The following MARCHF10 variants were observed in gnomAD, a reference collection of about 807,000 sequenced individuals.
The protein encoded by MARCHF10 is probable E3 ubiquitin-protein ligase MARCHF10.
In MARCHF10, 64 loss-of-function variants were observed where a neutral mutation model predicts 76.2. That is an observed-to-expected ratio of 0.84 (90% CI 0.69 to 1.03). The LOEUF (loss-of-function observed/expected upper bound fraction) is 1.03. MARCHF10 is among the 50% of genes least tolerant of loss of function. The probability of loss-of-function intolerance (pLI) is 0.00; values close to 1 mark genes in which losing one functional copy is unlikely to be tolerated. For synonymous variants in MARCHF10, 340 were observed against 357.5 expected (o/e 0.95, Z 0.55); for missense variants, 875 against 958.0 (o/e 0.91, Z 1.14).
Position 62,711,141 on chromosome 17 carries a change from G to A in MARCHF10, c.2328+90C>T, listed in dbSNP as rs2089910846. On this transcript the variant is annotated intron_variant, in intron 9 of 10. Coordinates refer to ENST00000311269, the MANE Select transcript of MARCHF10 (RefSeq NM_152598.4). The surrounding 1 kb of genome is among the most constrained non-coding windows in gnomAD (Gnocchi z 4.4). ...GTCCCATATCCTCCCAAGCGACCGT[G>A]AGGACCTCAACAGCTTGCACATCTA... The A allele has an allele frequency of 9.8e-7, 1 of 1,021,712 alleles. No individual in the cohort carries two copies. Among genetic ancestry groups the A allele is most frequent in the African/African-American group, 1.6e-5 (1 of 63,166 alleles). 63.3% of individuals were successfully genotyped at this position (1,021,712 alleles called of 1,614,324 possible). A position where few individuals can be genotyped will look rare whatever the true frequency, so the allele number is the denominator to read the frequency against.
intron 4 of MARCHF10, among the ~76,000 whole-genome samples, chr17:62,745,678 A>G (rs2091680131): frequency 6.6e-6 from 1 of 152,222 alleles, no homozygotes; most frequent in Non-Finnish European, 1.5e-5. Flanking sequence ...CGATATTCAT[A>G]GGAAGACAGT....
At chr17:62,727,813 TGGA>T (rs534649210) in intron 6 of MARCHF10, among the ~76,000 whole-genome samples, 583 of 152,240 alleles carry the variant, frequency 3.8e-3, no homozygotes, top group Non-Finnish European at 6.7e-3. Flanking sequence ...CACAGAAGCA[TGGA>T]GAAGGGAAGG....
At chr17:62,786,318 T>G (rs192314690) in intron 3 of MARCHF10, among the ~76,000 whole-genome samples, 4,105 of 139,534 alleles carry the variant, frequency 0.029, 69 homozygotes, top group East Asian at 0.063. Flanking sequence ...CACTCATAGG[T>G]GGGAATTGAA....
intron 3 of MARCHF10, among the ~76,000 whole-genome samples, chr17:62,771,324 C>T (rs914885738): frequency 6.6e-6 from 1 of 151,654 alleles, no homozygotes; most frequent in Non-Finnish European, 1.5e-5. Flanking sequence ...ACCTCAGCTG[C>T]AATCTCAGGC....
chr17:62,724,307 AC>A (rs1297228950), intron 7 of MARCHF10, among the ~76,000 whole-genome samples: 8 of 152,026 alleles, frequency 5.3e-5, no homozygotes, highest in African/African-American at 1.7e-4. Flanking sequence ...TTAGGTTATA[AC>A]CTGCTCAGGG....
At position 62,701,393 on chromosome 17, in the gene MARCHF10, C is replaced by G; in HGVS notation, c.*310G>C. ...TGGAGTGAGGCCTGGCAGGTGCCCT[C>G]AGCAGTGGGACCCCAGGCCACTGGA... On this transcript the variant is annotated 3_prime_UTR_variant, in exon 11 of 11. Coordinates refer to ENST00000311269, the MANE Select transcript of MARCHF10 (RefSeq NM_152598.4). 2.2e-6 allele frequency: 1 copy of G among 465,038 alleles called. No individual in the cohort carries two copies. The highest frequency in any genetic ancestry group is 3.8e-5 in the East Asian group (1 of 26,104). The allele number at this position is 465,038 out of a possible 1,614,324, so 28.8% of individuals were successfully genotyped here.
At chr17:62,764,775 C>T (rs1435622969) in intron 3 of MARCHF10, among the ~76,000 whole-genome samples, 1 of 152,184 alleles carries the variant, frequency 6.6e-6, no homozygotes, top group East Asian at 1.9e-4. Flanking sequence ...TGTTGTAGCA[C>T]GAAGCAAGCA....
At chr17:62,737,834 G>C (rs1322071784) in intron 5 of MARCHF10, 1 of 153,352 alleles carries the variant, frequency 6.5e-6, no homozygotes, top group Non-Finnish European at 1.4e-5. Context: ...TCAGGAGGAA[G>C]GCTATAGGAG....
At chr17:62,782,635 G>A (rs920404591) in intron 3 of MARCHF10, among the ~76,000 whole-genome samples, 7 of 152,020 alleles carry the variant, frequency 4.6e-5, no homozygotes, top group South Asian at 4.1e-4. Context: ...GTGAGCTACC[G>A]CGCCTGGCCA....
intron 6 of MARCHF10, among the ~76,000 whole-genome samples, chr17:62,726,389 A>G (rs2090758469): frequency 6.6e-6 from 1 of 152,230 alleles, no homozygotes; most frequent in Non-Finnish European, 1.5e-5. Context: ...TTTTTTCCCC[A>G]TGAAAGGGCA....
At chr17:62,710,703 C>T (rs867152040) in intron 9 of MARCHF10, among the ~76,000 whole-genome samples, 19 of 152,034 alleles carry the variant, frequency 1.2e-4, no homozygotes, top group Middle Eastern at 3.2e-3. Flanking sequence ...GGATTACAGG[C>T]GTGTGCCACC....
chr17:62,802,500 G>A (rs2093091677), intron 1 of MARCHF10, among the ~76,000 whole-genome samples: 1 of 152,158 alleles, frequency 6.6e-6, no homozygotes, highest in South Asian at 2.1e-4. Context: ...GATTATAGGT[G>A]TGAGCCACCG....
chr17:62,707,762 T>G (rs2089681755), intron 9 of MARCHF10, among the ~76,000 whole-genome samples: 1 of 152,248 alleles, frequency 6.6e-6, no homozygotes, highest in Admixed American at 6.5e-5. Flanking sequence ...CTCCTTAGAT[T>G]CTGAGTCTCT....
At chr17:62,797,876 G>A (rs1324047272) in intron 2 of MARCHF10, among the ~76,000 whole-genome samples, 1 of 151,836 alleles carries the variant, frequency 6.6e-6, no homozygotes, top group Non-Finnish European at 1.5e-5. Flanking sequence ...TGGCAACAGG[G>A]TAAAAAGGAA....
At chr17:62,782,345 C>CT (rs10676023) in intron 3 of MARCHF10, among the ~76,000 whole-genome samples, 53,925 of 106,770 alleles carry the variant, frequency 0.51, 14,945 homozygotes, top group East Asian at 0.75. Flanking sequence ...AACAACTGTT[C>CT]TTTTTTTTTT....
intron 3 of MARCHF10, among the ~76,000 whole-genome samples, chr17:62,780,766 G>A (rs528603876): frequency 3.7e-4 from 57 of 152,266 alleles, no homozygotes; most frequent in African/African-American, 1.3e-3. Context: ...TTGGAACGAC[G>A]TCCTTTCCAG....
intron 3 of MARCHF10, among the ~76,000 whole-genome samples, chr17:62,774,854 G>C (rs944158563): frequency 2.6e-5 from 4 of 152,024 alleles, no homozygotes; most frequent in Admixed American, 1.3e-4. Flanking sequence ...AGGAGTTCGA[G>C]ACCAGCCTGG....
chr17:62,709,069 C>T (rs772490176), intron 9 of MARCHF10, among the ~76,000 whole-genome samples: 5 of 152,202 alleles, frequency 3.3e-5, no homozygotes, highest in South Asian at 4.1e-4. Context: ...AAGCTCTTTA[C>T]GGAAAGGGAC....
intron 1 of MARCHF10, 67 bp from the exon 2 acceptor site, chr17:62,801,819 A>AT (rs1414471504): frequency 1.8e-6 from 2 of 1,126,442 alleles, no homozygotes; most frequent in Non-Finnish European, 2.7e-6. Context: ...ATTTGGATTT[A>AT]TTTTCATCTA....
Sources: gnomAD v4.1 joint callset for allele counts (sites outside exome capture counted in the v4.1 genomes callset) on GRCh38, gnomAD v4.1.1 for gene constraint, Gnocchi (gnomAD v3.1) non-coding constraint, MANE v1.5 for transcripts, NCBI Gene and HGNC (gene_info 2026-07-23, HGNC 2026-07-21) for gene names.